NEMP2: variants seen among roughly 807,000 people sequenced by gnomAD.
The protein encoded by NEMP2 is nuclear envelope integral membrane protein 2.
In NEMP2, 53 loss-of-function variants were observed where a neutral mutation model predicts 54.2. The ratio of observed to expected loss-of-function variants is 0.98; its 90% confidence interval spans 0.78 to 1.23. The LOEUF (loss-of-function observed/expected upper bound fraction) is 1.23, where lower values mean the gene tolerates loss of function less well. Ranked by LOEUF, NEMP2 falls within the 50% of genes most tolerant of loss-of-function variation. The pLI, the probability that NEMP2 is intolerant of heterozygous loss-of-function variation, is 0.00. For synonymous variants in NEMP2, 197 were observed against 190.3 expected (o/e 1.04, Z -0.29); for missense variants, 455 against 511.3 (o/e 0.89, Z 1.06).
the NEMP2 span, among the ~76,000 whole-genome samples, chr2:190,460,276 A>T: frequency 1.1e-4 from 16 of 152,242 alleles, no homozygotes; most frequent in Non-Finnish European, 2.2e-4. Flanking sequence ...TGTTAGTCAA[A>T]AATGTTGCAG....
chr2:190,481,457 T>C, the NEMP2 span, among the ~76,000 whole-genome samples: 1 of 152,350 alleles, frequency 6.6e-6, no homozygotes, highest in East Asian at 1.9e-4. Context: ...TCCCAACATG[T>C]AGACCACTGC....
At chr2:190,424,182 G>A in the NEMP2 span, among the ~76,000 whole-genome samples, 2 of 150,462 alleles carry the variant, frequency 1.3e-5, no homozygotes, top group Non-Finnish European at 2.9e-5. The surrounding 1 kb of genome is among the most constrained non-coding windows in gnomAD (Gnocchi z 5.9). Flanking sequence ...TCATGGTATC[G>A]GTGTCAAGTC....
the NEMP2 span, among the ~76,000 whole-genome samples, chr2:190,554,285 C>T: frequency 6.6e-6 from 1 of 152,132 alleles, no homozygotes; most frequent in Non-Finnish European, 1.5e-5. This position sits in a 1 kb window ranked among gnomAD's most constrained non-coding sequence, Gnocchi z 5.7. Flanking sequence ...CTCAGTGCGC[C>T]TGGAACACCA....
the NEMP2 span, among the ~76,000 whole-genome samples, chr2:190,561,070 G>C: frequency 1.2e-4 from 18 of 152,160 alleles, no homozygotes; most frequent in Non-Finnish European, 2.1e-4. The surrounding 1 kb of genome is among the most constrained non-coding windows in gnomAD (Gnocchi z 5.4). Flanking sequence ...GAGAGATATG[G>C]AGCAGTGGGA....
chr2:190,436,661 C>T, the NEMP2 span: 10 of 1,614,202 alleles, frequency 6.2e-6, no homozygotes, highest in Non-Finnish European at 8.5e-6. The surrounding 1 kb of genome is among the most constrained non-coding windows in gnomAD (Gnocchi z 5.3). Context: ...GTCTCAGACA[C>T]CGTTACTTTG....
chr2:190,531,782 TAA>T lies in NEMP2; in HGVS notation c.97+2775_97+2776del, dbSNP rs1691153390. On this transcript the variant is annotated intron_variant, in intron 1 of 8. Transcript: ENST00000409150. This position sits in a 1 kb window ranked among gnomAD's most constrained non-coding sequence, Gnocchi z 4.7. Reference sequence around the variant, plus strand: ...CCTAAATGTAAGTATATGTTTAAGTTAAAGAGTTGAGTCATATATACGGAAAA... The same window carrying T: ...CCTAAATGTAAGTATATGTTTAAGTTAGAGTTGAGTCATATATACGGAAAA... Among the ~76,000 whole-genome samples, 1 of 152,084 alleles carries T rather than the reference TAA, an allele frequency of 6.6e-6. No individual in the cohort carries two copies. Among genetic ancestry groups the T allele is most frequent in the African/African-American group, 2.4e-5 (1 of 41,412 alleles).
At position 190,514,464 on chromosome 2, in the gene NEMP2, A is replaced by G. The variant is rs973338356; in HGVS notation, c.942T>C (p.Ser314=). Residue 314 remains serine, a synonymous_variant, in exon 7 of 9, where the codon AGT becomes AGC. Transcript: ENST00000409150. The surrounding 1 kb of genome is among the most constrained non-coding windows in gnomAD (Gnocchi z 5.7). ...AAAATGATACATACCACCTCATATA[A>G]CTGCATGCTCTCAGTGGGTAGTGCA... The part of the protein sequence containing the change: ...WSLHYPLRAC[S]YMRWKMEQWF... 5 of 1,551,076 alleles carry G rather than the reference A, an allele frequency of 3.2e-6. No individual in the cohort carries two copies. In the African/African-American group the frequency reaches 6.8e-5, roughly 21 times the overall value.
the NEMP2 span, among the ~76,000 whole-genome samples, chr2:190,448,297 A>AT: frequency 2.0e-5 from 3 of 152,198 alleles, no homozygotes; most frequent in South Asian, 2.1e-4. Context: ...TAAAAATTAC[A>AT]TTTTTTAGAT....
At chr2:190,500,271 C>G, downstream of NEMP2, 1 of 1,596,942 alleles carries the variant, frequency 6.3e-7, no homozygotes, top group Admixed American at 1.7e-5. This position sits in a 1 kb window ranked among gnomAD's most constrained non-coding sequence, Gnocchi z 5.3. Flanking sequence ...TCAGCCAGGA[C>G]ACAGGGTGAG....
At chr2:190,616,514 A>G in the NEMP2 span, among the ~76,000 whole-genome samples, 1 of 152,242 alleles carries the variant, frequency 6.6e-6, no homozygotes, top group Non-Finnish European at 1.5e-5. This position sits in a 1 kb window ranked among gnomAD's most constrained non-coding sequence, Gnocchi z 5.1. Context: ...TTTGATTAGA[A>G]CAGTAAACTC....
the NEMP2 span, among the ~76,000 whole-genome samples, chr2:190,583,690 C>A: frequency 7.2e-5 from 11 of 152,202 alleles, no homozygotes; most frequent in Non-Finnish European, 1.5e-4. Context: ...TCAACCAGGC[C>A]TGGACTGTCA....
chr2:190,463,320 T>C, the NEMP2 span, among the ~76,000 whole-genome samples: 1 of 152,204 alleles, frequency 6.6e-6, no homozygotes, highest in Non-Finnish European at 1.5e-5. The surrounding 1 kb of genome is among the most constrained non-coding windows in gnomAD (Gnocchi z 4.4). Flanking sequence ...GAACATCATC[T>C]TATTCAGGTC....
At chr2:190,469,966 T>C in the NEMP2 span, 1 of 712,896 alleles carries the variant, frequency 1.4e-6, no homozygotes, top group Non-Finnish European at 2.3e-6. The surrounding 1 kb of genome is among the most constrained non-coding windows in gnomAD (Gnocchi z 5.3). Flanking sequence ...GCCTACTGTT[T>C]CATGTGATTT....
At chr2:190,447,779 G>T in the NEMP2 span, among the ~76,000 whole-genome samples, 174 of 152,260 alleles carry the variant, frequency 1.1e-3, no homozygotes, top group Non-Finnish European at 2.0e-3. The surrounding 1 kb of genome is among the most constrained non-coding windows in gnomAD (Gnocchi z 4.5). Context: ...TTATCACATT[G>T]TAAGCTATGG....
chr2:190,497,625 C>T, the NEMP2 span: 2 of 1,614,136 alleles, frequency 1.2e-6, no homozygotes, highest in Non-Finnish European at 1.7e-6. This position sits in a 1 kb window ranked among gnomAD's most constrained non-coding sequence, Gnocchi z 5.2. Context: ...GTCAGCTCTT[C>T]TCCCTGGGTG....
rs1350428164 is a variant in NEMP2 at position 190,527,192 on chromosome 2, A to G, written c.98-1814T>C. ...AAGTGTGGTCAGTTGTTCCTCCTGA[A>G]AAACCTGAAATGAAGCTAGAACAAC... On this transcript the variant is annotated intron_variant, in intron 1 of 8. Transcript: ENST00000409150. This position sits in a 1 kb window ranked among gnomAD's most constrained non-coding sequence, Gnocchi z 4.0. 6.6e-6 allele frequency among the ~76,000 whole-genome samples: 1 copy of G among 152,196 alleles called. No homozygotes were observed. The highest frequency in any genetic ancestry group is 1.9e-4 in the East Asian group (1 of 5,198).
rs1220658064 is a variant in NEMP2, at chr2:190,514,380, G to T, written c.953+73C>A. 3 of 1,312,372 alleles carry T rather than the reference G, an allele frequency of 2.3e-6. No individual in the cohort carries two copies. In the Admixed American group the frequency reaches 6.0e-5, roughly 26 times the overall value. 81.3% of individuals were successfully genotyped at this position (1,312,372 alleles called of 1,614,324 possible). ...TAATTATGAGATTAACATGATGTGT[G>T]CAAACACTCTCCCAAATAATAAAAC... On this transcript the variant is annotated intron_variant, in intron 7 of 8. Transcript: ENST00000409150. The surrounding 1 kb of genome is among the most constrained non-coding windows in gnomAD (Gnocchi z 5.7).
chr2:190,517,090 CAA>C (rs56324449), intron 5 of NEMP2, among the ~76,000 whole-genome samples: 21,954 of 88,742 alleles, frequency 0.25, 1,681 homozygotes, highest in Non-Finnish European at 0.32. Context: ...GACTGTGTCT[CAA>C]AAAAAAAAAA....
At position 190,516,326 on chromosome 2, in the gene NEMP2, C is replaced by T. The variant is rs200073518; in HGVS notation, c.671G>A (p.Cys224Tyr). ...GCWFASVYIV[C>Y]QLMEDLKWLW... ...CCACTTCAGATCTTCCATCAACTGG[C>T]ATACAATATAAACTGAGGCAAACCA... Residue 224 changes from cysteine (C) to tyrosine (Y), a missense_variant, in exon 6 of 9, where the codon TGC (cysteine) becomes TAC (tyrosine). This residue lies in a region of NEMP2 where 294 missense variants were observed against 333.6 expected (regional missense o/e 0.88). Transcript: ENST00000409150. 198 of 1,551,558 alleles carry T rather than the reference C, an allele frequency of 1.3e-4. No individual in the cohort carries two copies. Among genetic ancestry groups the T allele is most frequent in the Admixed American group, 2.0e-4 (10 of 50,974 alleles).
Sources: allele counts gnomAD v4.1 joint callset (sites outside exome capture counted in the v4.1 genomes callset), GRCh38; gene constraint gnomAD v4.1.1; regional missense constraint gnomAD v4.1.1; non-coding constraint Gnocchi (gnomAD v3.1); transcripts MANE v1.5; gene names NCBI Gene and HGNC (gene_info 2026-07-23, HGNC 2026-07-21).